Variants in DIP2B observed in about 807,000 individuals in gnomAD.
DIP2B encodes the protein disco-interacting protein 2 homolog B.
A neutral mutation model predicts 198.0 loss-of-function variants in DIP2B; 76 were observed. The observed-to-expected ratio is 0.38, with a 90% confidence interval of 0.32 to 0.46. The LOEUF (loss-of-function observed/expected upper bound fraction) is 0.46, where lower values mean the gene tolerates loss of function less well. Among genes scored for constraint, DIP2B ranks in the 20% least tolerant of loss-of-function variants. The pLI is 0.99. For synonymous variants in DIP2B, 701 were observed against 739.1 expected, an observed-to-expected ratio of 0.95 and a Z score of 0.84; for missense variants, 1,559 against 1,978.4, an observed-to-expected ratio of 0.79 and a Z score of 4.02.
intron 1 of DIP2B, among the ~76,000 whole-genome samples, chr12:50,548,651 A>G (rs1020724125): frequency 6.6e-6 from 1 of 152,068 alleles, no homozygotes; most frequent in Admixed American, 6.6e-5. Flanking sequence ...TCAGCCTCCC[A>G]AGTAGCTGGG....
At chr12:50,525,086 G>A (rs1027992922) in intron 1 of DIP2B, among the ~76,000 whole-genome samples, 7 of 151,484 alleles carry the variant, frequency 4.6e-5, no homozygotes, top group South Asian at 2.1e-4. Flanking sequence ...GGCTGGGCAC[G>A]GTGGCTCACA....
rs1300459853 is a variant in DIP2B at position 50,717,372 on chromosome 12, T to C, written c.2852-1337T>C. Among the ~76,000 whole-genome samples the C allele has an allele frequency of 4.3e-4, 59 of 135,734 alleles. 1 individual carries two copies. The highest frequency in any genetic ancestry group is 1.5e-3 in the African/African-American group (53 of 36,270). 89.0% of individuals were successfully genotyped at this position (135,734 alleles called of 152,430 possible). ...AGCTCACTGCAGCTTTTTTTTTTTT[T>C]TTTTTTTTTTTGAGATGGAGTCTCG... On this transcript the variant is annotated intron_variant, in intron 23 of 37. Transcript: ENST00000301180.
Position 50,695,957 on chromosome 12 carries a change from A to T in DIP2B, c.1923A>T (p.Gly641=). The change falls in exon 16 of 38, where the codon GGA becomes GGT. Residue 641 remains glycine (G), a synonymous_variant. Transcript: ENST00000301180. Reference sequence around the variant, plus strand: ...TCCGAATGTTAATTGTGACTGATGGAGCTAACCCCTGTGAGTATTTCTTCA... The same window carrying T: ...TCCGAATGTTAATTGTGACTGATGGTGCTAACCCCTGTGAGTATTTCTTCA... ...SSLRMLIVTD[G]ANPWSVSSCD... is the part of the protein sequence containing the mutation. 1 of 1,614,028 alleles carries T rather than the reference A, an allele frequency of 6.2e-7. No homozygotes were observed. The highest frequency in any genetic ancestry group is 2.2e-5 in the East Asian group (1 of 44,886).
chr12:50,738,043 A>G (rs1387106824), intron 35 of DIP2B, among the ~76,000 whole-genome samples: 1 of 152,090 alleles, frequency 6.6e-6, no homozygotes, highest in Non-Finnish European at 1.5e-5. Flanking sequence ...TCATCCATAA[A>G]TAATAATAGC....
chr12:50,704,321 G>C, intron 20 of DIP2B, 101 bp downstream of exon 20: 1 of 1,081,380 alleles, frequency 9.2e-7, no homozygotes. Flanking sequence ...GAGTGTTACA[G>C]AACCACTTCA....
chr12:50,644,337 T>C (rs909727154), intron 3 of DIP2B, among the ~76,000 whole-genome samples: 2 of 152,234 alleles, frequency 1.3e-5, no homozygotes, highest in African/African-American at 4.8e-5. Flanking sequence ...TTGTAAGTCA[T>C]TCTGACTCCC....
intron 4 of DIP2B, 105 bp from the exon 5 acceptor site, chr12:50,671,081 A>C: frequency 9.3e-7 from 1 of 1,070,406 alleles, no homozygotes; most frequent in Non-Finnish European, 1.3e-6. Context: ...TAAGAATGCG[A>C]ATGTTTTGCT....
rs2139541257 is a variant in DIP2B, at chr12:50,685,936, G to C, written c.1421G>C (p.Gly474Ala). The C allele has an allele frequency of 6.2e-7, 1 of 1,613,794 alleles. No individual in the cohort carries two copies. The highest frequency in any genetic ancestry group is 1.1e-5 in the South Asian group (1 of 91,030). The change falls in exon 11 of 38, where the codon GGA becomes GCA. Residue 474 changes from glycine (G) to alanine (A), a missense_variant. Transcript: ENST00000301180. ...CLKGLPKTQNGEIVQFKGWPR... is the reference protein window; with the variant it reads ...CLKGLPKTQNAEIVQFKGWPR... Reference sequence around the variant, plus strand: ...AAAGGACTGCCAAAAACCCAGAATGGAGAAATTGTACAGTTTAAAGGTTAG... The same window carrying C: ...AAAGGACTGCCAAAAACCCAGAATGCAGAAATTGTACAGTTTAAAGGTTAG...
intron 2 of DIP2B, among the ~76,000 whole-genome samples, chr12:50,634,472 A>G (rs1019388142): frequency 2.0e-5 from 3 of 152,232 alleles, no homozygotes; most frequent in South Asian, 2.1e-4. Flanking sequence ...TAAGGACAGT[A>G]TGTATTTACT....
In DIP2B at chr12:50,703,993, A is replaced by T. The variant is rs918581722; in HGVS notation, c.2326-147A>T. On this transcript the variant is annotated intron_variant, in intron 19 of 37. Transcript: ENST00000301180. ...GAGAGGTAAACAATAAATTGTAATT[A>T]TTTCTTATCTCTAAAGGGATGGAAT... The T allele has an allele frequency of 2.3e-4, 119 of 512,800 alleles. 3 individuals carry two copies. In the South Asian group the frequency reaches 2.8e-3, roughly 12 times the overall value. The allele number at this position is 512,800 out of a possible 1,614,324, so 31.8% of individuals were successfully genotyped here. A position where few individuals can be genotyped will look rare whatever the true frequency, so the allele number is the denominator to read the frequency against.
intron 12 of DIP2B, chr12:50,686,913 T>C (rs551567139): frequency 7.7e-6 from 3 of 388,450 alleles, no homozygotes; most frequent in Admixed American, 4.3e-5. Context: ...GGATTCTTCA[T>C]GTAAGAAAGT....
intron 19 of DIP2B, among the ~76,000 whole-genome samples, chr12:50,700,228 C>A (rs1195664066): frequency 1.3e-5 from 2 of 152,186 alleles, no homozygotes; most frequent in African/African-American, 4.8e-5. Flanking sequence ...TTCCTGCAGG[C>A]ACTTCTGCAT....
At chr12:50,634,469 A>T (rs569643914) in intron 2 of DIP2B, among the ~76,000 whole-genome samples, 1 of 152,344 alleles carries the variant, frequency 6.6e-6, no homozygotes, top group South Asian at 2.1e-4. Flanking sequence ...ATCTAAGGAC[A>T]GTATGTATTT....
At chr12:50,547,225 T>G (rs530963096) in intron 1 of DIP2B, among the ~76,000 whole-genome samples, 2 of 152,336 alleles carry the variant, frequency 1.3e-5, no homozygotes, top group South Asian at 4.1e-4. Flanking sequence ...TAATACAAAT[T>G]AAAGTTTGGC....
At chr12:50,595,948 T>A (rs1181038242) in intron 1 of DIP2B, among the ~76,000 whole-genome samples, 1 of 152,200 alleles carries the variant, frequency 6.6e-6, no homozygotes, top group Non-Finnish European at 1.5e-5. Context: ...ACCTTTGTGA[T>A]CTCCAGTAGT....
intron 1 of DIP2B, among the ~76,000 whole-genome samples, chr12:50,569,149 T>C (rs1191244213): frequency 6.6e-6 from 1 of 151,918 alleles, no homozygotes; most frequent in Non-Finnish European, 1.5e-5. Flanking sequence ...TTTGATAGAA[T>C]ATAATTTGTT....
At chr12:50,732,230 T>G in intron 31 of DIP2B, 136 bp from the exon 32 acceptor site, 1 of 934,582 alleles carries the variant, frequency 1.1e-6, no homozygotes. Flanking sequence ...TGAAAGCTGC[T>G]TTTTTCTCTG....
At chr12:50,615,163 C>G (rs1035456829) in intron 1 of DIP2B, among the ~76,000 whole-genome samples, 1 of 152,046 alleles carries the variant, frequency 6.6e-6, no homozygotes, top group East Asian at 1.9e-4. Context: ...GCTGTTAACA[C>G]TAGAAACAGT....
At position 50,697,054 on chromosome 12, in the gene DIP2B, T is replaced by C. The variant is rs1174449173; in HGVS notation, c.1934-7T>C. The stretch of plus-strand genomic sequence containing the variant: ...CAGCTTCAGGTTGATCTGTTCCAAC[T>C]CCTTAGGGTCCGTGTCATCCTGTGA... On this transcript the variant is annotated splice_polypyrimidine_tract_variant and splice_region_variant and intron_variant, in intron 16 of 37. Coordinates refer to ENST00000301180, the MANE Select transcript of DIP2B (RefSeq NM_173602.3). 1 of 1,611,484 alleles carries C rather than the reference T, an allele frequency of 6.2e-7. No homozygotes were observed. The highest frequency in any genetic ancestry group is 1.7e-5 in the Admixed American group (1 of 59,678).
Sources: allele counts gnomAD v4.1 joint callset (sites outside exome capture counted in the v4.1 genomes callset), GRCh38; gene constraint gnomAD v4.1.1; transcripts MANE v1.5; gene names NCBI Gene and HGNC (gene_info 2026-07-23, HGNC 2026-07-21).